HBM: variants seen among roughly 807,000 people sequenced by gnomAD.
The protein encoded by HBM is alpha globin pseudogene 2.
A neutral mutation model predicts 12.8 loss-of-function variants in HBM; 9 were observed. That is an observed-to-expected ratio of 0.70 (90% CI 0.42 to 1.23). HBM has a LOEUF of 1.23. Among genes scored for constraint, HBM ranks in the 50% most tolerant of loss-of-function variants. The probability of loss-of-function intolerance (pLI) is 0.00; values close to 1 mark genes in which losing one functional copy is unlikely to be tolerated. For synonymous variants in HBM, 100 were observed against 92.0 expected (o/e 1.09, Z -0.50); for missense variants, 214 against 195.4 (o/e 1.10, Z -0.57).
rs763233687 is a variant in HBM at position 166,322 on chromosome 16, C to A, written c.147C>A (p.Cys49Ter). The A allele has an allele frequency of 1.9e-5, 31 of 1,595,144 alleles. No individual in the cohort carries two copies. The highest frequency in any genetic ancestry group is 2.5e-5 in the Non-Finnish European group (30 of 1,178,602). Residue 49 changes from cysteine to a stop codon, truncating the protein, a stop_gained, in exon 2 of 3, where the codon TGC (cysteine) becomes TGA (stop). Transcript: ENST00000356815. LOFTEE classifies it high-confidence loss of function. ...TCTACTTCCCGCACCTGAGCGCCTG[C>A]CAGGACGCGACGCAGCTGCTGAGCC... Reference protein sequence around the residue: ...TKVYFPHLSACQDATQLLSHG... With the variant: ...TKVYFPHLSA
At chr16:166,112 G>A (rs1484113013) in intron 1 of HBM, 23 bp downstream of exon 1, 12 of 1,567,504 alleles carry the variant, frequency 7.7e-6, no homozygotes, top group African/African-American at 2.7e-5. Flanking sequence ...GGGGTCTCCG[G>A]GAGCTCAGGG....
In HBM at chr16:166,255, C is replaced by T. The variant is rs1377271872; in HGVS notation, c.93-13C>T. 1.4e-5 allele frequency: 23 copies of T among 1,586,302 alleles called. No individual in the cohort carries two copies. Among genetic ancestry groups the T allele is most frequent in the Non-Finnish European group, 1.9e-5 (22 of 1,173,662 alleles). On this transcript the variant is annotated splice_polypyrimidine_tract_variant and intron_variant, in intron 1 of 2. Transcript: ENST00000356815. Reference sequence around the variant, plus strand: ...AGCCGCCCTCCTCCCCGGTCACTGACCTGGTCCTGCAGGCTCTTCACGGTG... The same window carrying T: ...AGCCGCCCTCCTCCCCGGTCACTGATCTGGTCCTGCAGGCTCTTCACGGTG...
At position 166,707 on chromosome 16, in the gene HBM, G is replaced by T. The variant is rs1901921019; in HGVS notation, c.425G>T (p.Ter142LeuextTer?). Residue 142 changes from the stop codon to leucine, a stop_lost, in exon 3 of 3, where the codon TGA becomes TTA. Coordinates refer to ENST00000356815, the MANE Select transcript of HBM (RefSeq NM_001003938.4). ...GTGGTGCTGACCGAAAAATACCGCT[G>T]AGCCCTGTGCTGCGCAGGCCTTGGT... ...VAVVLTEKYR[*>L] 3 of 1,614,028 alleles carry T rather than the reference G, an allele frequency of 1.9e-6. No individual in the cohort carries two copies. In the African/African-American group the frequency reaches 4.0e-5, roughly 22 times the overall value.
At position 166,653 on chromosome 16, in the gene HBM, C is replaced by T. The variant is rs1374527111; in HGVS notation, c.371C>T (p.Ala124Val). 6.2e-7 allele frequency: 1 copy of T among 1,614,000 alleles called. No individual in the cohort carries two copies. The highest frequency in any genetic ancestry group is 1.7e-5 in the Admixed American group (1 of 60,002). Reference protein sequence around the residue: ...QDEFTVQMQAAWDKFLTGVAV... With the variant: ...QDEFTVQMQAVWDKFLTGVAV... ...GAGTTCACCGTGCAAATGCAAGCGG[C>T]GTGGGACAAGTTCCTGACTGGTGTG... is the stretch of plus-strand genomic sequence containing the variant. The change falls in exon 3 of 3, where the codon GCG becomes GTG. Residue 124 changes from alanine to valine, a missense_variant. By Grantham distance (64) the Ala-to-Val change is moderately conservative. Coordinates refer to ENST00000356815, the MANE Select transcript of HBM (RefSeq NM_001003938.4).
In HBM at chr16:166,062, C is replaced by A. The variant is rs758536446; in HGVS notation, c.65C>A (p.Ala22Glu). The A allele has an allele frequency of 1.2e-5, 19 of 1,603,490 alleles. No individual in the cohort carries two copies. Among genetic ancestry groups the A allele is most frequent in the South Asian group, 3.3e-5 (3 of 90,378 alleles). Residue 22 changes from alanine (A) to glutamate (E), a missense_variant, in exon 1 of 3, where the codon GCG (alanine) becomes GAG (glutamate). Physicochemically the swap from Ala to Glu is moderately radical, Grantham distance 107. Coordinates refer to ENST00000356815, the MANE Select transcript of HBM (RefSeq NM_001003938.4). ...QVWDLIAGHE[A>E]QFGAELLLRL... ...TGGGACCTGATTGCGGGCCACGAGG[C>A]GCAATTCGGGGCGGAGCTGCTGCTC...
At chr16:166,125 G>A in intron 1 of HBM, 36 bp downstream of exon 1, 1 of 1,544,712 alleles carries the variant, frequency 6.5e-7, no homozygotes, top group African/African-American at 1.4e-5. Context: ...GCTCAGGGAG[G>A]TGGAGATGAG....
rs1415843487 is a variant in HBM, at chr16:166,027, C to T, written c.30C>T (p.Ile10=). 6.3e-7 allele frequency: 1 copy of T among 1,597,810 alleles called. No individual in the cohort carries two copies. Among genetic ancestry groups the T allele is most frequent in the East Asian group, 2.3e-5 (1 of 44,398 alleles). The change falls in exon 1 of 3, where the codon ATC becomes ATT. Residue 10 remains isoleucine, a synonymous_variant. Coordinates refer to ENST00000356815, the MANE Select transcript of HBM (RefSeq NM_001003938.4). ...TCAGCGCCCAGGAGCGCGCCCAAAT[C>T]GCGCAGGTCTGGGACCTGATTGCGG... The part of the protein sequence containing the change: MLSAQERAQ[I]AQVWDLIAGH...
chr16:166,404 C>T lies in HBM; in HGVS notation c.229C>T (p.Arg77Cys). The T allele has an allele frequency of 6.4e-7, 1 of 1,563,258 alleles. No homozygotes were observed. The highest frequency in any genetic ancestry group is 8.6e-7 in the Non-Finnish European group (1 of 1,162,308). ...GGCGGTGCAGCACGTGGACAACCTG[C>T]GCGCCGCGCTGAGCCCGCTGGCGGA... Reference protein sequence around the residue: ...GAAVQHVDNLRAALSPLADLH... With the variant: ...GAAVQHVDNLCAALSPLADLH... The change falls in exon 2 of 3, where the codon CGC (arginine) becomes TGC (cysteine). Residue 77 changes from arginine (R) to cysteine (C), a missense_variant. Transcript: ENST00000356815.
Position 166,738 on chromosome 16 carries a change from C to T in HBM, c.*30C>T. ...TGTGCTGCGCAGGCCTTGGTCTGTG[C>T]CTGTCAATAAACAGAGGCCCGAACC... On this transcript the variant is annotated 3_prime_UTR_variant, in exon 3 of 3. Coordinates refer to ENST00000356815, the MANE Select transcript of HBM (RefSeq NM_001003938.4). The T allele has an allele frequency of 6.8e-6, 11 of 1,611,618 alleles. No homozygotes were observed. Among genetic ancestry groups the T allele is most frequent in the African/African-American group, 1.3e-5 (1 of 74,974 alleles).
intron 1 of HBM, 52 bp downstream of exon 1, chr16:166,141 T>G (rs1476789181): frequency 1.3e-6 from 2 of 1,497,992 alleles, no homozygotes; most frequent in African/African-American, 2.8e-5. Flanking sequence ...ATGAGGGTTT[T>G]GGGCGCGTGG....
intron 1 of HBM, 51 bp downstream of exon 1, chr16:166,140 T>G (rs1901906551): frequency 6.6e-7 from 1 of 1,514,410 alleles, no homozygotes; most frequent in South Asian, 1.2e-5. Flanking sequence ...GATGAGGGTT[T>G]TGGGCGCGTG....
In HBM at chr16:166,377, G is replaced by T; in HGVS notation, c.202G>T (p.Ala68Ser). ...HGQRMLAAVG[A>S]AVQHVDNLRA... Reference sequence around the variant, plus strand: ...GCAGCGCATGCTGGCGGCTGTGGGCGCGGCGGTGCAGCACGTGGACAACCT... The same window carrying T: ...GCAGCGCATGCTGGCGGCTGTGGGCTCGGCGGTGCAGCACGTGGACAACCT... Residue 68 changes from alanine to serine, a missense_variant, in exon 2 of 3, where the codon GCG (alanine) becomes TCG (serine). Physicochemically the swap from Ala to Ser is moderately conservative, Grantham distance 99. Transcript: ENST00000356815. 6.3e-7 allele frequency: 1 copy of T among 1,579,200 alleles called. No individual in the cohort carries two copies. Among genetic ancestry groups the T allele is most frequent in the Non-Finnish European group, 8.5e-7 (1 of 1,171,016 alleles).
Position 166,431 on chromosome 16 carries a change from C to G in HBM, c.256C>G (p.Leu86Val), listed in dbSNP as rs1901913734. The G allele has an allele frequency of 1.9e-6, 3 of 1,549,460 alleles. No individual in the cohort carries two copies. The South Asian group carries it at 3.5e-5, about 18-fold the overall frequency. The change falls in exon 2 of 3, where the codon CTG becomes GTG. Residue 86 changes from leucine (L) to valine (V), a missense_variant. Leu to Val is a conservative substitution (Grantham distance 32, BLOSUM62 1). Coordinates refer to ENST00000356815, the MANE Select transcript of HBM (RefSeq NM_001003938.4). Reference protein sequence around the residue: ...LRAALSPLADLHALVLRVDPA... With the variant: ...LRAALSPLADVHALVLRVDPA... Reference sequence around the variant, plus strand: ...CGCCGCGCTGAGCCCGCTGGCGGACCTGCACGCGCTCGTGCTGCGCGTGGA... The same window carrying G: ...CGCCGCGCTGAGCCCGCTGGCGGACGTGCACGCGCTCGTGCTGCGCGTGGA...
Position 166,479 on chromosome 16 carries a change from C to A in HBM, c.297+7C>A. On this transcript the variant is annotated splice_region_variant and intron_variant, in intron 2 of 2. Transcript: ENST00000356815. ...GGACCCAGCCAACTTTCCGGTGAGG[C>A]CTTTCCGGCCGGGGCAATGGTGCAG... 1 of 1,553,170 alleles carries A rather than the reference C, an allele frequency of 6.4e-7. No homozygotes were observed. The highest frequency in any genetic ancestry group is 8.7e-7 in the Non-Finnish European group (1 of 1,152,812).
intron 1 of HBM, 68 bp downstream of exon 1, chr16:166,157 C>A (rs1901906796): frequency 2.7e-6 from 4 of 1,470,604 alleles, no homozygotes; most frequent in Non-Finnish European, 3.7e-6. Context: ...CGTGGGCCGC[C>A]AACGCCATCC....
rs1311001672 is a variant in HBM, at chr16:166,044, T to C, written c.47T>C (p.Leu16Pro). ...GCCCAAATCGCGCAGGTCTGGGACC[T>C]GATTGCGGGCCACGAGGCGCAATTC... ...ERAQIAQVWD[L>P]IAGHEAQFGA... is the part of the protein sequence containing the mutation. The change falls in exon 1 of 3, where the codon CTG becomes CCG. Residue 16 changes from leucine to proline, a missense_variant. Coordinates refer to ENST00000356815, the MANE Select transcript of HBM (RefSeq NM_001003938.4). 1.9e-6 allele frequency: 3 copies of C among 1,601,706 alleles called. No individual in the cohort carries two copies. Among genetic ancestry groups the C allele is most frequent in the Non-Finnish European group, 2.6e-6 (3 of 1,175,982 alleles).
rs1901920667 is a variant in HBM at position 166,691 on chromosome 16, A to G, written c.409A>G (p.Thr137Ala). ...CCTGACTGGTGTGGCCGTGGTGCTG[A>G]CCGAAAAATACCGCTGAGCCCTGTG... ...KFLTGVAVVL[T>A]EKYR The change falls in exon 3 of 3, where the codon ACC becomes GCC. Residue 137 changes from threonine to alanine, a missense_variant. Transcript: ENST00000356815. 1.2e-6 allele frequency: 2 copies of G among 1,613,928 alleles called. No individual in the cohort carries two copies. Among genetic ancestry groups the G allele is most frequent in the African/African-American group, 2.7e-5 (2 of 74,904 alleles).
In HBM at chr16:166,445, G is replaced by A; in HGVS notation, c.270G>A (p.Val90=). 1 of 1,548,288 alleles carries A rather than the reference G, an allele frequency of 6.5e-7. No homozygotes were observed. Among genetic ancestry groups the A allele is most frequent in the Non-Finnish European group, 8.7e-7 (1 of 1,152,880 alleles). The change falls in exon 2 of 3, where the codon GTG becomes GTA. Residue 90 remains valine, a synonymous_variant. Coordinates refer to ENST00000356815, the MANE Select transcript of HBM (RefSeq NM_001003938.4). ...LSPLADLHAL[V]LRVDPANFPL... Reference sequence around the variant, plus strand: ...CGCTGGCGGACCTGCACGCGCTCGTGCTGCGCGTGGACCCAGCCAACTTTC... The same window carrying A: ...CGCTGGCGGACCTGCACGCGCTCGTACTGCGCGTGGACCCAGCCAACTTTC...
At chr16:166,179 G>A in intron 1 of HBM, 89 bp from the exon 2 acceptor site, 1 of 1,397,396 alleles carries the variant, frequency 7.2e-7, no homozygotes, top group Non-Finnish European at 9.4e-7. Flanking sequence ...AGGTCCTTCG[G>A]GTGCGGATCC....
Sources: allele counts gnomAD v4.1 joint callset, GRCh38; gene constraint gnomAD v4.1.1; transcripts MANE v1.5; gene names NCBI Gene and HGNC (gene_info 2026-07-23, HGNC 2026-07-21).